The following TCF7L2 variants were observed in gnomAD, a reference collection of about 807,000 sequenced individuals.
TCF7L2 encodes the protein transcription factor 7 like 2, also known as transcription factor 7-like 2.
A neutral mutation model predicts 77.9 loss-of-function variants in TCF7L2; 23 were observed. The observed-to-expected ratio is 0.30, with a 90% confidence interval of 0.21 to 0.42. The LOEUF (loss-of-function observed/expected upper bound fraction) is 0.42, where lower values mean the gene tolerates loss of function less well. Among genes scored for constraint, TCF7L2 ranks in the 10% least tolerant of loss-of-function variants. The pLI, the probability that TCF7L2 is intolerant of heterozygous loss-of-function variation, is 1.00. For synonymous variants in TCF7L2, 413 were observed against 340.2 expected (o/e 1.21, Z -2.36); for missense variants, 654 against 793.1 (o/e 0.82, Z 2.11).
At chr10:113,101,736 G>C (rs563682887) in intron 5 of TCF7L2, among the ~76,000 whole-genome samples, 1 of 151,760 alleles carries the variant, frequency 6.6e-6, no homozygotes, top group East Asian at 1.9e-4. Context: ...CCAGCTACTT[G>C]GGAGGCTGAG....
intron 5 of TCF7L2, chr10:113,133,043 G>A (rs558494122): frequency 3.3e-5 from 5 of 152,208 alleles, no homozygotes; most frequent in Non-Finnish European, 7.3e-5. Flanking sequence ...GTGTTTTAAA[G>A]GTTGGCTGGG....
At chr10:113,065,540 T>C (rs2057131237) in intron 5 of TCF7L2, among the ~76,000 whole-genome samples, 1 of 152,206 alleles carries the variant, frequency 6.6e-6, no homozygotes, top group African/African-American at 2.4e-5. Flanking sequence ...GAATTACTTA[T>C]GAAGCGCTTA....
chr10:113,093,160 A>AACT, intron 5 of TCF7L2, among the ~76,000 whole-genome samples: 1 of 152,294 alleles, frequency 6.6e-6, no homozygotes, highest in East Asian at 1.9e-4. Flanking sequence ...GTGATCCAGG[A>AACT]ACTACTGTAC....
intron 11 of TCF7L2, among the ~76,000 whole-genome samples, chr10:113,155,131 C>T (rs1036658444): frequency 4.6e-5 from 7 of 152,076 alleles, no homozygotes; most frequent in African/African-American, 1.2e-4. Flanking sequence ...CAACTGGTAA[C>T]GGAAGCCTTT....
At chr10:113,111,608 A>T (rs1389210855) in intron 5 of TCF7L2, among the ~76,000 whole-genome samples, 1 of 152,096 alleles carries the variant, frequency 6.6e-6, no homozygotes, top group Non-Finnish European at 1.5e-5. Context: ...CCTGGGCAGC[A>T]TGGTGAAACC....
At chr10:113,024,923 A>G (rs1242547548) in intron 4 of TCF7L2, among the ~76,000 whole-genome samples, 1 of 152,088 alleles carries the variant, frequency 6.6e-6, no homozygotes, top group African/African-American at 2.4e-5. Context: ...ATGGCCTTAT[A>G]TAAACCTTAG....
chr10:113,008,279 G>A (rs958624481), intron 4 of TCF7L2, among the ~76,000 whole-genome samples: 2 of 152,152 alleles, frequency 1.3e-5, no homozygotes, highest in African/African-American at 4.8e-5. Context: ...CCTGCGTTGG[G>A]TACCTTTTTG....
At chr10:113,047,434 C>T (rs576751611) in intron 5 of TCF7L2, among the ~76,000 whole-genome samples, 2 of 152,328 alleles carry the variant, frequency 1.3e-5, no homozygotes, top group Admixed American at 6.5e-5. Flanking sequence ...CCAAGTCAGC[C>T]TCCCCAGGTC....
intron 5 of TCF7L2, among the ~76,000 whole-genome samples, chr10:113,102,480 A>T (rs1448393239): frequency 6.7e-6 from 1 of 148,762 alleles, no homozygotes; most frequent in Non-Finnish European, 1.5e-5. Context: ...GCTGGAGTGC[A>T]TTGGTGCAAT....
intron 5 of TCF7L2, among the ~76,000 whole-genome samples, chr10:113,055,925 G>T (rs1009423197): frequency 4.6e-5 from 7 of 152,152 alleles, no homozygotes; most frequent in Non-Finnish European, 7.3e-5. Context: ...AGGAAATTAG[G>T]TTTTTTTGGT....
chr10:113,121,672 C>G (rs923761746), intron 5 of TCF7L2, among the ~76,000 whole-genome samples: 10 of 151,960 alleles, frequency 6.6e-5, no homozygotes, highest in Admixed American at 2.6e-4. Flanking sequence ...GGATTTACCC[C>G]CCTTCTCTCA....
At chr10:113,072,136 A>G (rs961150213) in intron 5 of TCF7L2, among the ~76,000 whole-genome samples, 1 of 151,890 alleles carries the variant, frequency 6.6e-6, no homozygotes, top group Admixed American at 6.6e-5. Flanking sequence ...GGCTCACTGC[A>G]CCTCTGCCTC....
intron 5 of TCF7L2, among the ~76,000 whole-genome samples, chr10:113,130,360 A>C (rs1021701393): frequency 6.6e-6 from 1 of 152,220 alleles, no homozygotes; most frequent in African/African-American, 2.4e-5. Context: ...TTCACCCACC[A>C]GGGTGGGCTC....
chr10:112,978,647 T>C (rs2039902949), intron 4 of TCF7L2, among the ~76,000 whole-genome samples: 1 of 149,098 alleles, frequency 6.7e-6, no homozygotes, highest in Non-Finnish European at 1.5e-5. Flanking sequence ...TTTTTTTTTT[T>C]TTTTTGTATT....
chr10:113,036,128 CATCATCAT>C (rs2051186108), intron 4 of TCF7L2, among the ~76,000 whole-genome samples: 1 of 124,536 alleles, frequency 8.0e-6, no homozygotes, highest in Non-Finnish European at 1.7e-5. Flanking sequence ...TCATCATCAT[CATCATCAT>C]CATCATCATC....
intron 5 of TCF7L2, among the ~76,000 whole-genome samples, chr10:113,047,478 C>A (rs1255944307): frequency 6.6e-6 from 1 of 152,128 alleles, no homozygotes; most frequent in Non-Finnish European, 1.5e-5. Flanking sequence ...GAAATCATTT[C>A]TTGAATAATT....
chr10:113,089,612 C>T lies in TCF7L2; in HGVS notation c.552+49486C>T, dbSNP rs2060164097. 11 of 1,570,072 alleles carry T rather than the reference C, an allele frequency of 7.0e-6. No homozygotes were observed. The South Asian group carries it at 1.3e-4, about 19-fold the overall frequency. On this transcript the variant is annotated intron_variant, in intron 5 of 13. Coordinates refer to ENST00000627217, the MANE Select transcript of TCF7L2 (RefSeq NM_001146274.2). ...ATGAAGCCGCCCACCCAAAGTTTAC[C>T]TCTCTCTAGGGCAGGGCCCATCCAC...
In TCF7L2 at chr10:113,144,040, T is replaced by A; in HGVS notation, c.788+15T>A. ...TTAGTACCACAGTAAGGAGTTCCAT[T>A]TTTTAATTTCCTTTTTGTTTCTTAC... On this transcript the variant is annotated intron_variant, in intron 7 of 13. Transcript: ENST00000627217. 6.2e-7 allele frequency: 1 copy of A among 1,603,034 alleles called. No individual in the cohort carries two copies. The highest frequency in any genetic ancestry group is 8.5e-7 in the Non-Finnish European group (1 of 1,170,718).
At chr10:112,958,962 T>C (rs1352266042) in intron 3 of TCF7L2, among the ~76,000 whole-genome samples, 1 of 152,228 alleles carries the variant, frequency 6.6e-6, no homozygotes, top group Non-Finnish European at 1.5e-5. Context: ...AATGCTGTGT[T>C]AGGAACATGT....
Sources: allele counts gnomAD v4.1 joint callset (sites outside exome capture counted in the v4.1 genomes callset), GRCh38; gene constraint gnomAD v4.1.1; transcripts MANE v1.5; gene names NCBI Gene and HGNC (gene_info 2026-07-23, HGNC 2026-07-21).